Variants in PCDHGB1 observed in about 807,000 individuals in gnomAD.
PCDHGB1 encodes the protein protocadherin gamma subfamily B, 1.
In PCDHGB1, 34 loss-of-function variants were observed where a neutral mutation model predicts 56.6. That is an observed-to-expected ratio of 0.60 (90% CI 0.46 to 0.80). The LOEUF (loss-of-function observed/expected upper bound fraction) is 0.80. Among genes scored for constraint, PCDHGB1 ranks in the 30% least tolerant of loss-of-function variants. The probability of loss-of-function intolerance (pLI) is 0.00; values close to 1 mark genes in which losing one functional copy is unlikely to be tolerated. For missense variants in PCDHGB1, 1,278 were observed against 1,204.6 expected (o/e 1.06, Z -0.90); for synonymous variants, 561 against 505.9 (o/e 1.11, Z -1.46).
chr5:141,456,098 C>A (rs1222639126), intron 1 of PCDHGB1, among the ~76,000 whole-genome samples: 1 of 151,980 alleles, frequency 6.6e-6, no homozygotes. Context: ...GGGATTTCAC[C>A]GTGTTAGCCA....
intron 1 of PCDHGB1, among the ~76,000 whole-genome samples, chr5:141,430,040 T>C (rs1449876504): frequency 1.3e-5 from 2 of 152,232 alleles, no homozygotes; most frequent in African/African-American, 2.4e-5. Flanking sequence ...ATTCTGATAA[T>C]GTATACAATC....
At chr5:141,393,442 T>G (rs932289283) in intron 1 of PCDHGB1, 3 of 1,614,056 alleles carry the variant, frequency 1.9e-6, no homozygotes, top group Non-Finnish European at 2.5e-6. Context: ...GCTCACCACC[T>G]GGTCCTCACG....
chr5:141,359,946 T>A, intron 1 of PCDHGB1: 1 of 524,822 alleles, frequency 1.9e-6, no homozygotes, highest in Non-Finnish European at 3.1e-6. Flanking sequence ...TCGCTGTTGG[T>A]CAAAAGAACG....
At chr5:141,380,579 G>A (rs892018372) in intron 1 of PCDHGB1, among the ~76,000 whole-genome samples, 1 of 152,134 alleles carries the variant, frequency 6.6e-6, no homozygotes, top group Non-Finnish European at 1.5e-5. Context: ...TATCTTGGCG[G>A]TCTAGTAAAG....
intron 1 of PCDHGB1, among the ~76,000 whole-genome samples, chr5:141,373,562 T>C (rs955311782): frequency 2.6e-5 from 4 of 152,186 alleles, no homozygotes; most frequent in African/African-American, 9.7e-5. Context: ...TTACTGAAAA[T>C]GGGACTAGCA....
At position 141,365,281 on chromosome 5, in the gene PCDHGB1, G is replaced by T. The variant is rs752099096; in HGVS notation, c.2409+12612G>T. The stretch of plus-strand genomic sequence containing the variant: ...ATGAAGAATCCAGATTCTACCTCAT[G>T]GAAGTGGTAGCTCAGGATGGAGGCG... On this transcript the variant is annotated intron_variant, in intron 1 of 3. Coordinates refer to ENST00000523390, the MANE Select transcript of PCDHGB1 (RefSeq NM_018922.3). 5 of 1,614,000 alleles carry T rather than the reference G, an allele frequency of 3.1e-6. No homozygotes were observed. The Admixed American group carries it at 8.3e-5, about 27-fold the overall frequency.
chr5:141,375,058 A>G (rs1346702145), intron 1 of PCDHGB1: 1 of 1,613,948 alleles, frequency 6.2e-7, no homozygotes, highest in Non-Finnish European at 8.5e-7. Flanking sequence ...GGGATGGGCC[A>G]GGTCTTCGAG....
chr5:141,357,288 A>G (rs1399396689), intron 1 of PCDHGB1: 1 of 1,613,874 alleles, frequency 6.2e-7, no homozygotes, highest in Admixed American at 1.7e-5. Flanking sequence ...TCGTGGTGGC[A>G]GTGGCCGCTG....
chr5:141,439,716 C>T (rs2098127719), intron 1 of PCDHGB1: 1 of 152,476 alleles, frequency 6.6e-6, no homozygotes, highest in Non-Finnish European at 1.5e-5. Flanking sequence ...CCTAGTTCTA[C>T]AAATTATAAG....
chr5:141,456,576 A>C (rs1383992335), intron 1 of PCDHGB1, among the ~76,000 whole-genome samples: 2 of 152,188 alleles, frequency 1.3e-5, no homozygotes, highest in African/African-American at 4.8e-5. Context: ...ATTTTCCCTG[A>C]GCCTGTCAAT....
chr5:141,485,193 G>T lies in PCDHGB1; in HGVS notation c.2410-9614G>T. The T allele has an allele frequency of 6.2e-7, 1 of 1,613,988 alleles. No homozygotes were observed. Among genetic ancestry groups the T allele is most frequent in the Non-Finnish European group, 8.5e-7 (1 of 1,179,852 alleles). The stretch of plus-strand genomic sequence containing the variant: ...GCAGCAATGCTCCGCAAGGTGAGAA[G>T]CTGGACAGAAATCTGGCGGTGGGCT... On this transcript the variant is annotated intron_variant, in intron 1 of 3. Transcript: ENST00000523390. The surrounding 1 kb of genome is among the most constrained non-coding windows in gnomAD (Gnocchi z 5.7).
At chr5:141,407,707 G>A (rs894295431) in intron 1 of PCDHGB1, among the ~76,000 whole-genome samples, 1 of 151,964 alleles carries the variant, frequency 6.6e-6, no homozygotes, top group African/African-American at 2.4e-5. Flanking sequence ...TTGAAGGTGG[G>A]GTGATGGCTA....
intron 1 of PCDHGB1, among the ~76,000 whole-genome samples, chr5:141,445,531 C>A (rs1476079791): frequency 6.6e-6 from 1 of 152,136 alleles, no homozygotes; most frequent in Non-Finnish European, 1.5e-5. Flanking sequence ...TGATAAAAGC[C>A]AACAAGGAGA....
rs749645155 is a variant in PCDHGB1 at position 141,414,214 on chromosome 5, A to G, written c.2409+61545A>G. On this transcript the variant is annotated intron_variant, in intron 1 of 3. Transcript: ENST00000523390. ...GATTACAGTAGAAGATGTAAATGAC[A>G]ACAGTCCAGAGCTGACCATCACGTC... 6.2e-6 allele frequency: 10 copies of G among 1,613,126 alleles called. No homozygotes were observed. The South Asian group carries it at 9.9e-5, about 16-fold the overall frequency.
intron 1 of PCDHGB1, chr5:141,389,438 C>A (rs781427097): frequency 6.2e-7 from 1 of 1,610,474 alleles, no homozygotes; most frequent in Non-Finnish European, 8.5e-7. Context: ...AGCGCGCCTT[C>A]GACCACGAGC....
At chr5:141,478,862 C>A in intron 1 of PCDHGB1, 1 of 1,326,032 alleles carries the variant, frequency 7.5e-7, no homozygotes, top group Non-Finnish European at 1.0e-6. Context: ...AAGATCTCAG[C>A]GATCAGAGTT....
At chr5:141,363,097 G>A (rs182933962) in intron 1 of PCDHGB1, among the ~76,000 whole-genome samples, 161 of 152,360 alleles carry the variant, frequency 1.1e-3, no homozygotes, top group Admixed American at 1.8e-3. Context: ...CTAAAGGACA[G>A]GCAATGTTTG....
At chr5:141,464,327 C>G (rs893319708) in intron 1 of PCDHGB1, among the ~76,000 whole-genome samples, 15 of 150,890 alleles carry the variant, frequency 9.9e-5, no homozygotes, top group African/African-American at 3.7e-4. Flanking sequence ...TCTGTTCAAC[C>G]CATCTATGAC....
In PCDHGB1 at chr5:141,351,759, A is replaced by G; in HGVS notation, c.1499A>G (p.Tyr500Cys). ...SDLEPRELLSYVSVSPQSGVV... is the reference protein window; with the variant it reads ...SDLEPRELLSCVSVSPQSGVV... ...CTGGAGCCGCGGGAGCTGTTGTCCT[A>G]CGTGTCCGTGAGCCCGCAGAGCGGG... is the stretch of plus-strand genomic sequence containing the variant. Residue 500 changes from tyrosine to cysteine, a missense_variant, in exon 1 of 4, where the codon TAC (tyrosine) becomes TGC (cysteine). Physicochemically the swap from Tyr to Cys is radical, Grantham distance 194. Coordinates refer to ENST00000523390, the MANE Select transcript of PCDHGB1 (RefSeq NM_018922.3). 1.9e-6 allele frequency: 3 copies of G among 1,613,582 alleles called. No individual in the cohort carries two copies. In the South Asian group the frequency reaches 3.3e-5, roughly 18 times the overall value.
Sources: gnomAD v4.1 joint callset for allele counts (sites outside exome capture counted in the v4.1 genomes callset) on GRCh38, gnomAD v4.1.1 for gene constraint, Gnocchi (gnomAD v3.1) non-coding constraint, MANE v1.5 for transcripts, NCBI Gene and HGNC (gene_info 2026-07-23, HGNC 2026-07-21) for gene names.